ARID1B: variants seen among roughly 807,000 people sequenced by gnomAD.
The protein encoded by ARID1B is AT-rich interactive domain-containing protein 1B.
ARID1B carries 30 observed loss-of-function variants against 212.3 expected under a neutral mutation model. That is an observed-to-expected ratio of 0.14 (90% CI 0.11 to 0.19). The LOEUF is 0.19. Among genes scored for constraint, ARID1B ranks in the 10% least tolerant of loss-of-function variants. The probability of loss-of-function intolerance (pLI) is 1.00; values close to 1 mark genes in which losing one functional copy is unlikely to be tolerated. For missense variants in ARID1B, 2,891 were observed against 3,204.0 expected, an observed-to-expected ratio of 0.90 and a Z score of 2.36; for synonymous variants, 1,402 against 1,301.7, an observed-to-expected ratio of 1.08 and a Z score of -1.66.
intron 2 of ARID1B, among the ~76,000 whole-genome samples, chr6:156,844,956 G>T (rs1015102657): frequency 3.9e-5 from 6 of 152,118 alleles, no homozygotes; most frequent in Non-Finnish European, 7.3e-5. Flanking sequence ...TCTCAAGATG[G>T]TGGAACCCAT....
Position 157,210,472 on chromosome 6 carries a change from T to C in ARID1B, c.*2581T>C, listed in dbSNP as rs1794701717. ...GTCTGACCGTTGGGCAACAAGTTTT[T>C]CTATCCTGATGCGCAACACAGTCTC... On this transcript the variant is annotated 3_prime_UTR_variant, in exon 20 of 20. Transcript: ENST00000636930. The C allele has an allele frequency of 4.3e-6, 1 of 232,090 alleles. No homozygotes were observed. Among genetic ancestry groups the C allele is most frequent in the Non-Finnish European group, 8.5e-6 (1 of 117,434 alleles). The allele number at this position is 232,090 out of a possible 1,614,324, so 14.4% of individuals were successfully genotyped here. A position where few individuals can be genotyped will look rare whatever the true frequency, so the allele number is the denominator to read the frequency against.
chr6:156,901,561 T>G lies in ARID1B; in HGVS notation c.2136+36T>G, dbSNP rs373331097. On this transcript the variant is annotated intron_variant, in intron 3 of 19. Coordinates refer to ENST00000636930, the MANE Select transcript of ARID1B (RefSeq NM_001374828.1). The stretch of plus-strand genomic sequence containing the variant: ...TGCACTGCCCCGCAGGGCCCTGTTT[T>G]CTCCACCAAGGCAGACCCGGCTCTG... The G allele has an allele frequency of 2.1e-5, 34 of 1,596,074 alleles. No individual in the cohort carries two copies. In the African/African-American group the frequency reaches 4.4e-4, roughly 21 times the overall value.
chr6:156,916,308 A>G (rs1389928863), intron 3 of ARID1B, among the ~76,000 whole-genome samples: 2 of 152,194 alleles, frequency 1.3e-5, no homozygotes, highest in Non-Finnish European at 2.9e-5. Flanking sequence ...AGGGGGCAGA[A>G]TTAGAACTGG....
Position 157,196,210 on chromosome 6 carries a change from A to G in ARID1B, c.4277A>G (p.Asn1426Ser). Residue 1426 changes from asparagine to serine, a missense_variant, in exon 16 of 20, where the codon AAC becomes AGC. Physicochemically the swap from Asn to Ser is conservative, Grantham distance 46. Around this residue, in one of 7 missense-constraint regions of ARID1B, gnomAD observed 666 missense variants for 873.5 expected, o/e 0.76. Coordinates refer to ENST00000636930, the MANE Select transcript of ARID1B (RefSeq NM_001374828.1). ...EPFMTQGQMP[N>S]SSMQDMYNQS... is the part of the protein sequence containing the mutation. ...TTTATGACGCAAGGACAGATGCCCAACAGCAGCATGCAGGACATGTACAAC... is the reference window on the plus strand; with the variant it reads ...TTTATGACGCAAGGACAGATGCCCAGCAGCAGCATGCAGGACATGTACAAC... The G allele has an allele frequency of 1.2e-6, 2 of 1,613,738 alleles. No homozygotes were observed. Among genetic ancestry groups the G allele is most frequent in the Non-Finnish European group, 1.7e-6 (2 of 1,179,938 alleles).
intron 11 of ARID1B, chr6:157,175,827 C>A (rs1300058390): frequency 6.6e-6 from 1 of 151,036 alleles, no homozygotes; most frequent in East Asian, 1.9e-4. Context: ...GCTGAAGCAA[C>A]CTTTATTTTA....
At chr6:156,971,165 A>G (rs755565739) in intron 4 of ARID1B, among the ~76,000 whole-genome samples, 5 of 152,250 alleles carry the variant, frequency 3.3e-5, no homozygotes, top group Non-Finnish European at 5.9e-5. Flanking sequence ...TCTAAAAGAC[A>G]TGAATTCATA....
At position 156,826,329 on chromosome 6, in the gene ARID1B, C is replaced by G. The variant is rs537539607; in HGVS notation, c.1792-2898C>G. Among the ~76,000 whole-genome samples the G allele has an allele frequency of 8.5e-5, 13 of 152,318 alleles. No homozygotes were observed. In the South Asian group the frequency reaches 2.7e-3, roughly 32 times the overall value. On this transcript the variant is annotated intron_variant, in intron 1 of 19. Coordinates refer to ENST00000636930, the MANE Select transcript of ARID1B (RefSeq NM_001374828.1). ...CCTTTGTTAAAGCCCATGGCAGACC[C>G]AGTGAGACACCCTCTTCTCACCTTG...
At position 157,148,553 on chromosome 6, in the gene ARID1B, AAAAGTATTTC is replaced by A. The variant is rs1789967174; in HGVS notation, c.2762-70_2762-61del. On this transcript the variant is annotated intron_variant, in intron 7 of 19. Coordinates refer to ENST00000636930, the MANE Select transcript of ARID1B (RefSeq NM_001374828.1). The surrounding 1 kb of genome is among the most constrained non-coding windows in gnomAD (Gnocchi z 5.6). Reference sequence around the variant, plus strand: ...TCCGTGCTGATCGCATTGTTGGACAAAAAGTATTTCCAGTGAATGTTGTCACAAGTTTAAA... The same window carrying A: ...TCCGTGCTGATCGCATTGTTGGACAACAGTGAATGTTGTCACAAGTTTAAA... 6.6e-7 allele frequency: 1 copy of A among 1,507,724 alleles called. No individual in the cohort carries two copies. Among genetic ancestry groups the A allele is most frequent in the Non-Finnish European group, 9.0e-7 (1 of 1,113,082 alleles). 93.4% of individuals were successfully genotyped at this position (1,507,724 alleles called of 1,614,324 possible).
intron 4 of ARID1B, among the ~76,000 whole-genome samples, chr6:156,945,099 A>G (rs375118013): frequency 2.9e-5 from 3 of 104,628 alleles, no homozygotes; most frequent in African/African-American, 1.3e-4. Context: ...ATTTTTTTGT[A>G]TATTTTTTTT....
intron 4 of ARID1B, among the ~76,000 whole-genome samples, chr6:156,997,713 A>G (rs1778678839): frequency 6.6e-6 from 1 of 151,912 alleles, no homozygotes; most frequent in Non-Finnish European, 1.5e-5. Context: ...TTCCACAAGA[A>G]CCATCATTTC....
chr6:156,908,934 G>GCA (rs1454982713), intron 3 of ARID1B, among the ~76,000 whole-genome samples: 3 of 151,928 alleles, frequency 2.0e-5, no homozygotes, highest in African/African-American at 7.3e-5. Context: ...GACATAATGA[G>GCA]CACTCCTATG....
rs183379914 is a variant in ARID1B at position 156,860,900 on chromosome 6, G to C, written c.1986+31479G>C. Among the ~76,000 whole-genome samples, 494 of 152,244 alleles carry C rather than the reference G, an allele frequency of 3.2e-3. 2 individuals are homozygous for C. The highest frequency in any genetic ancestry group is 0.011 in the African/African-American group (470 of 41,540). On this transcript the variant is annotated intron_variant, in intron 2 of 19. Transcript: ENST00000636930. ...AGCCTTTGGTCTATTTAAGCACTCT[G>C]TTTGTGCCAGAGTTACTTGCTTTTT... is the stretch of plus-strand genomic sequence containing the variant.
At chr6:157,134,602 A>G (rs1788789352) in intron 7 of ARID1B, among the ~76,000 whole-genome samples, 2 of 152,170 alleles carry the variant, frequency 1.3e-5, no homozygotes, top group Admixed American at 1.3e-4. Context: ...GTTGACAGTA[A>G]TGGTCTGCTT....
At position 156,778,190 on chromosome 6, in the gene ARID1B, CCACCAT is replaced by C; in HGVS notation, c.511_516del (p.His171_His172del). The stretch of plus-strand genomic sequence containing the variant: ...CGCCCCACCAGCAGCACCACCACCA[CCACCAT>C]GCCCACCACCACCACCACCATGCCC... On this transcript the variant is annotated inframe_deletion, in exon 1 of 20. Coordinates refer to ENST00000636930, the MANE Select transcript of ARID1B (RefSeq NM_001374828.1). 3 of 1,540,440 alleles carry C rather than the reference CCACCAT, an allele frequency of 1.9e-6. No homozygotes were observed. Among genetic ancestry groups the C allele is most frequent in the Non-Finnish European group, 2.6e-6 (3 of 1,146,178 alleles).
At chr6:157,098,347 G>C (rs55743930) in intron 5 of ARID1B, among the ~76,000 whole-genome samples, 2 of 152,106 alleles carry the variant, frequency 1.3e-5, no homozygotes, top group African/African-American at 2.4e-5. Flanking sequence ...CTATGAATCC[G>C]GACTTCCTGG....
At chr6:157,195,632 G>A (rs1207050767) in intron 15 of ARID1B, 1 of 156,978 alleles carries the variant, frequency 6.4e-6, no homozygotes, top group Admixed American at 6.5e-5. Flanking sequence ...ACACTGAAGG[G>A]GAGGGGCTCA....
At position 156,778,783 on chromosome 6, in the gene ARID1B, A is replaced by T; in HGVS notation, c.1103A>T (p.Asn368Ile). ...GAPGSMDPLQ[N>I]SHEGYPNSQC... ...CCCGGCAGCATGGACCCCCTGCAGAACTCCCACGAAGGGTACCCCAACAGC... is the reference window on the plus strand; with the variant it reads ...CCCGGCAGCATGGACCCCCTGCAGATCTCCCACGAAGGGTACCCCAACAGC... The change falls in exon 1 of 20, where the codon AAC (asparagine) becomes ATC (isoleucine). Residue 368 changes from asparagine (N) to isoleucine (I), a missense_variant. Asn to Ile is a moderately radical substitution (Grantham distance 149). Around this residue, in one of 7 missense-constraint regions of ARID1B, gnomAD observed 1,643 missense variants for 1,544.0 expected, o/e 1.06. Coordinates refer to ENST00000636930, the MANE Select transcript of ARID1B (RefSeq NM_001374828.1). 1.3e-6 allele frequency: 2 copies of T among 1,501,806 alleles called. No homozygotes were observed. The highest frequency in any genetic ancestry group is 1.8e-6 in the Non-Finnish European group (2 of 1,123,630). The allele number at this position is 1,501,806 out of a possible 1,614,324, so 93.0% of individuals were successfully genotyped here.
At chr6:156,990,022 AT>A (rs1337390515) in intron 4 of ARID1B, among the ~76,000 whole-genome samples, 1 of 152,192 alleles carries the variant, frequency 6.6e-6, no homozygotes, top group Admixed American at 6.5e-5. Flanking sequence ...AAAGTATTTA[AT>A]TCAGTGAATA....
intron 2 of ARID1B, among the ~76,000 whole-genome samples, chr6:156,878,699 T>G (rs1040955778): frequency 6.6e-6 from 1 of 152,176 alleles, no homozygotes; most frequent in Non-Finnish European, 1.5e-5. Flanking sequence ...CTGCCTCCTA[T>G]CAGGCTCATA....
Sources: gnomAD v4.1 joint callset for allele counts (sites outside exome capture counted in the v4.1 genomes callset) on GRCh38, gnomAD v4.1.1 for gene constraint, gnomAD v4.1.1 regional missense constraint, Gnocchi (gnomAD v3.1) non-coding constraint, MANE v1.5 for transcripts, NCBI Gene and HGNC (gene_info 2026-07-23, HGNC 2026-07-21) for gene names.